PTPN22: variants seen among roughly 807,000 people sequenced by gnomAD.
PTPN22 encodes protein tyrosine phosphatase non-receptor type 22, also known as tyrosine-protein phosphatase non-receptor type 22.
PTPN22 carries 85 observed loss-of-function variants against 103.3 expected under a neutral mutation model. The observed-to-expected ratio is 0.82, with a 90% CI of 0.69 to 0.99. The LOEUF is 0.99. Ranked by LOEUF, PTPN22 falls within the 50% of genes least tolerant of loss-of-function variation. The pLI, the probability that PTPN22 is intolerant of heterozygous loss-of-function variation, is 0.00. For synonymous variants in PTPN22, 323 were observed against 310.2 expected, an observed-to-expected ratio of 1.04 and a Z score of -0.43; for missense variants, 865 against 936.9, an observed-to-expected ratio of 0.92 and a Z score of 1.00.
chr1:113,838,123 G>A, exon 13 of PTPN22: 2 of 1,613,930 alleles, frequency 1.2e-6, no homozygotes, highest in Non-Finnish European at 1.7e-6. Context: ...TTTAGAATTA[G>A]AACATCCCTC....
chr1:113,818,638 A>G (rs1199759721), intron 20 of PTPN22, among the ~76,000 whole-genome samples: 1 of 152,178 alleles, frequency 6.6e-6, no homozygotes, highest in Non-Finnish European at 1.5e-5. Flanking sequence ...TTCTTCCTCA[A>G]ATAGAATTGT....
At chr1:113,825,622 G>T (rs1170450852) in intron 18 of PTPN22, among the ~76,000 whole-genome samples, 1 of 152,180 alleles carries the variant, frequency 6.6e-6, no homozygotes, top group Non-Finnish European at 1.5e-5. Flanking sequence ...GGAGTTCAAG[G>T]CTACAGTGAG....
intron 15 of PTPN22, 142 bp downstream of exon 15, chr1:113,834,166 CT>C (rs1662782187): frequency 1.1e-6 from 1 of 895,150 alleles, no homozygotes; most frequent in Non-Finnish European, 1.7e-6. Context: ...CTTATACATC[CT>C]TTTTATCCCA....
intron 18 of PTPN22, among the ~76,000 whole-genome samples, chr1:113,827,253 A>T (rs905101257): frequency 3.9e-5 from 6 of 152,116 alleles, no homozygotes; most frequent in Non-Finnish European, 2.9e-5. Flanking sequence ...GTTATTTTTT[A>T]AAAAATAGAT....
chr1:113,817,644 A>G (rs1176302719), intron 20 of PTPN22, among the ~76,000 whole-genome samples: 1 of 152,042 alleles, frequency 6.6e-6, no homozygotes, highest in African/African-American at 2.4e-5. Context: ...ACAGAGTCTC[A>G]CTGTGTTGCT....
rs926931518 is a variant in PTPN22 at position 113,863,655 on chromosome 1, C to T, written c.88-4195G>A. Among the ~76,000 whole-genome samples the T allele has an allele frequency of 2.0e-5, 3 of 152,214 alleles. No individual in the cohort carries two copies. The South Asian group carries it at 6.2e-4, about 32-fold the overall frequency. Reference sequence around the variant, plus strand: ...TTGTGCACTTGCTCTGTAGGAAGTACCTTGTTGATAACTGTTTGGTTAGTA... The same window carrying T: ...TTGTGCACTTGCTCTGTAGGAAGTATCTTGTTGATAACTGTTTGGTTAGTA... On this transcript the variant is annotated intron_variant, in intron 1 of 20. Coordinates refer to ENST00000359785, the Ensembl canonical transcript of PTPN22.
intron 20 of PTPN22, among the ~76,000 whole-genome samples, chr1:113,815,731 T>C (rs1411773715): frequency 2.0e-5 from 3 of 152,202 alleles, no homozygotes; most frequent in African/African-American, 7.2e-5. Flanking sequence ...CAGGCTGGAG[T>C]GCAGTGGCGC....
chr1:113,833,082 T>C, intron 16 of PTPN22, 29 bp downstream of exon 16: 1 of 1,549,274 alleles, frequency 6.5e-7, no homozygotes, highest in East Asian at 2.3e-5. Flanking sequence ...TAGGGCTAAA[T>C]GTCATCTAAA....
At chr1:113,848,754 ATGT>A in intron 10 of PTPN22, 128 bp from the exon 11 acceptor site, 1 of 839,064 alleles carries the variant, frequency 1.2e-6, no homozygotes, top group South Asian at 1.7e-5. Flanking sequence ...GACGATCGGC[ATGT>A]TATTAAACTT....
At chr1:113,838,375 T>C in exon 13 of PTPN22, 1 of 1,594,202 alleles carries the variant, frequency 6.3e-7, no homozygotes, top group Non-Finnish European at 8.5e-7. Context: ...TTTTGTCCTT[T>C]GTTGGTTCAT....
chr1:113,819,427 T>G (rs192820892), intron 20 of PTPN22, 150 bp downstream of exon 20: 1 of 467,252 alleles, frequency 2.1e-6, no homozygotes, highest in Admixed American at 3.9e-5. Context: ...TAGTTAAGGT[T>G]AAAAATAAAA....
chr1:113,863,929 T>TA (rs1558057704), intron 1 of PTPN22, among the ~76,000 whole-genome samples: 11 of 145,492 alleles, frequency 7.6e-5, no homozygotes, highest in African/African-American at 2.0e-4. Flanking sequence ...ATATATATAT[T>TA]TTTTTTTGAC....
intron 4 of PTPN22, among the ~76,000 whole-genome samples, chr1:113,858,248 G>A (rs991848880): frequency 2.0e-5 from 3 of 152,014 alleles, no homozygotes; most frequent in Non-Finnish European, 2.9e-5. Context: ...TGTAGAGACA[G>A]GGTTTTGCAA....
chr1:113,862,490 C>G (rs531139405), intron 1 of PTPN22, among the ~76,000 whole-genome samples: 111 of 152,136 alleles, frequency 7.3e-4, no homozygotes, highest in African/African-American at 2.5e-3. Flanking sequence ...GCCAGTATAA[C>G]AAGGAGTATT....
At chr1:113,814,861 G>T (rs750830395) in exon 21 of PTPN22, 1 of 1,364,456 alleles carries the variant, frequency 7.3e-7, no homozygotes. Context: ...AGTTTTATTT[G>T]CAGGTGTACT....
intron 9 of PTPN22, among the ~76,000 whole-genome samples, chr1:113,853,922 G>T (rs1051001719): frequency 1.5e-4 from 20 of 131,644 alleles, no homozygotes; most frequent in African/African-American, 5.8e-4. Context: ...CTGGAGTGCA[G>T]TGGCGCGATC....
At chr1:113,837,495 A>C in intron 13 of PTPN22, 95 bp downstream of exon 13, 1 of 842,688 alleles carries the variant, frequency 1.2e-6, no homozygotes, top group Non-Finnish European at 1.8e-6. Context: ...AAAGAGAAGA[A>C]GCAGAGGAGA....
At position 113,834,998 on chromosome 1, in the gene PTPN22, C is replaced by T. The variant is rs1662860572; in HGVS notation, c.1811-5G>A. 1.3e-6 allele frequency: 2 copies of T among 1,515,072 alleles called. No individual in the cohort carries two copies. Among genetic ancestry groups the T allele is most frequent in the African/African-American group, 1.4e-5 (1 of 69,124 alleles). The allele number at this position is 1,515,072 out of a possible 1,614,324, so 93.9% of individuals were successfully genotyped here. A position where few individuals can be genotyped will look rare whatever the true frequency, so the allele number is the denominator to read the frequency against. On this transcript the variant is annotated splice_region_variant and splice_polypyrimidine_tract_variant and intron_variant, in intron 13 of 20. Transcript: ENST00000359785. ...CATCTATCCTTGGAGCAGTTGCTAT[C>T]CAAAATGTCAAAAATATTGTAACAA...
intron 10 of PTPN22, among the ~76,000 whole-genome samples, chr1:113,851,446 G>A (rs532374230): frequency 2.6e-5 from 4 of 152,098 alleles, no homozygotes; most frequent in Admixed American, 2.0e-4. Context: ...CAGCCACCGC[G>A]CCCGGCCCAA....
Sources: gnomAD v4.1 joint callset for allele counts (sites outside exome capture counted in the v4.1 genomes callset) on GRCh38, gnomAD v4.1.1 for gene constraint, MANE v1.5 for transcripts, NCBI Gene and HGNC (gene_info 2026-07-23, HGNC 2026-07-21) for gene names.